OR4N2: variants seen among roughly 807,000 people sequenced by gnomAD.
OR4N2 encodes olfactory receptor 4N2.
For missense variants in OR4N2, 307 were observed against 377.6 expected (o/e 0.81, Z 1.55); for synonymous variants, 141 against 140.4 (o/e 1.00, Z -0.03).
chr14:19,813,036 A>T (rs1001193181), intron 1 of OR4N2, among the ~76,000 whole-genome samples: 1 of 152,262 alleles, frequency 6.6e-6, no homozygotes, highest in African/African-American at 2.4e-5. Flanking sequence ...AGGGTTAAAA[A>T]GTCTCCATTT....
intron 1 of OR4N2, among the ~76,000 whole-genome samples, chr14:19,811,579 C>A (rs1192193149): frequency 3.1e-4 from 47 of 152,308 alleles, no homozygotes; most frequent in Middle Eastern, 3.4e-3. Flanking sequence ...TATTAGCAAT[C>A]CGAACATGAC....
intron 1 of OR4N2, among the ~76,000 whole-genome samples, chr14:19,817,360 G>A (rs779198514): frequency 3.2e-4 from 49 of 152,218 alleles, no homozygotes; most frequent in East Asian, 9.6e-4. Context: ...TTACTGCCTC[G>A]ATTTCAAAAC....
intron 1 of OR4N2, among the ~76,000 whole-genome samples, chr14:19,812,556 C>T (rs1425514004): frequency 6.6e-6 from 1 of 152,150 alleles, no homozygotes; most frequent in Non-Finnish European, 1.5e-5. Context: ...GACGAGGTTT[C>T]ACCGTGTTAG....
chr14:19,812,580 G>A (rs899047929), intron 1 of OR4N2, among the ~76,000 whole-genome samples: 2 of 152,030 alleles, frequency 1.3e-5, no homozygotes, highest in African/African-American at 2.4e-5. Context: ...GAATGGTCTC[G>A]GTCTCCTGAC....
chr14:19,815,210 T>C (rs540757682), intron 1 of OR4N2, among the ~76,000 whole-genome samples: 1 of 152,378 alleles, frequency 6.6e-6, no homozygotes, highest in South Asian at 2.1e-4. Context: ...CTGGGTCAAA[T>C]GGTATTTCTG....
intron 1 of OR4N2, among the ~76,000 whole-genome samples, chr14:19,817,789 A>G (rs1279296669): frequency 6.6e-6 from 1 of 152,212 alleles, no homozygotes; most frequent in Non-Finnish European, 1.5e-5. Context: ...TAGGGTGTCA[A>G]TTTTAGATCT....
Position 19,828,698 on chromosome 14 carries a change from A to G in OR4N2, c.*326A>G, listed in dbSNP as rs1879792116. On this transcript the variant is annotated 3_prime_UTR_variant, in exon 2 of 2. Transcript: ENST00000557677. Reference sequence around the variant, plus strand: ...CCAATTTGTGTTTAATAATCAAAAAAGACCTTGAAGAGCTGACGTTTTGGA... The same window carrying G: ...CCAATTTGTGTTTAATAATCAAAAAGGACCTTGAAGAGCTGACGTTTTGGA... 4.1e-6 allele frequency: 1 copy of G among 245,066 alleles called. No homozygotes were observed. The highest frequency in any genetic ancestry group is 6.0e-5 in the South Asian group (1 of 16,556). 15.2% of individuals were successfully genotyped at this position (245,066 alleles called of 1,614,324 possible).
chr14:19,808,062 C>T (rs1356514848), intron 1 of OR4N2, among the ~76,000 whole-genome samples: 4 of 152,062 alleles, frequency 2.6e-5, no homozygotes, highest in Non-Finnish European at 5.9e-5. Context: ...CCTTAACAGA[C>T]TAGATTTTGA....
At chr14:19,819,987 C>T (rs1432548014) in intron 1 of OR4N2, among the ~76,000 whole-genome samples, 1 of 152,254 alleles carries the variant, frequency 6.6e-6, no homozygotes, top group Non-Finnish European at 1.5e-5. Context: ...CCACTCCAGA[C>T]CCTGTTTTCC....
chr14:19,805,243 A>AC (rs1340536730), intron 1 of OR4N2, among the ~76,000 whole-genome samples: 86 of 152,154 alleles, frequency 5.7e-4, no homozygotes, highest in African/African-American at 1.4e-3. Flanking sequence ...ATGATTCCTT[A>AC]CCCATAATAA....
At chr14:19,811,147 G>A (rs537856794) in intron 1 of OR4N2, among the ~76,000 whole-genome samples, 30 of 152,334 alleles carry the variant, frequency 2.0e-4, no homozygotes, top group Non-Finnish European at 4.0e-4. Context: ...TATGAGCTCA[G>A]TATTACCCTG....
intron 1 of OR4N2, among the ~76,000 whole-genome samples, chr14:19,812,756 A>AT (rs34262575): frequency 1.4e-3 from 206 of 151,632 alleles, no homozygotes; most frequent in African/African-American, 3.7e-3. Flanking sequence ...CAAGCTGAGC[A>AT]TTTTTTTTCA....
At chr14:19,811,239 T>G (rs1780883) in intron 1 of OR4N2, among the ~76,000 whole-genome samples, 1 of 152,088 alleles carries the variant, frequency 6.6e-6, no homozygotes, top group Admixed American at 6.6e-5. Context: ...CATACACATA[T>G]GATTTTATTT....
intron 1 of OR4N2, among the ~76,000 whole-genome samples, chr14:19,812,120 G>A (rs1307957744): frequency 6.6e-6 from 1 of 152,190 alleles, no homozygotes. Context: ...AAATCTTGGT[G>A]AGAATGTGAA....
Position 19,828,119 on chromosome 14 carries a change from G to T in OR4N2, c.671G>T (p.Arg224Leu), listed in dbSNP as rs117025898. The T allele has an allele frequency of 1.9e-6, 3 of 1,613,984 alleles. No homozygotes were observed. The highest frequency in any genetic ancestry group is 2.5e-6 in the Non-Finnish European group (3 of 1,180,016). ...LLASYAVILCRIRGSSSEAKN... is the reference protein window; with the variant it reads ...LLASYAVILCLIRGSSSEAKN... ...GCCTCCTATGCAGTCATTCTTTGTC[G>T]CATACGAGGGTCTTCTTCTGAGGCA... The change falls in exon 2 of 2, where the codon CGC (arginine) becomes CTC (leucine). Residue 224 changes from arginine to leucine, a missense_variant. Physicochemically the swap from Arg to Leu is moderately radical, Grantham distance 102 (BLOSUM62 -2). Transcript: ENST00000557677.
Position 19,817,937 on chromosome 14 carries a change from C to T in OR4N2, c.-9-9503C>T, listed in dbSNP as rs139140827. On this transcript the variant is annotated intron_variant, in intron 1 of 1. Transcript: ENST00000557677. ...AACTTATTTATTTCTGCCTAAATTTCGTTATTTACCCAGTAGTCATTCAGG... is the reference window on the plus strand; with the variant it reads ...AACTTATTTATTTCTGCCTAAATTTTGTTATTTACCCAGTAGTCATTCAGG... Among the ~76,000 whole-genome samples, 1,274 of 152,214 alleles carry T rather than the reference C, an allele frequency of 8.4e-3. 39 individuals are homozygous for T. Among genetic ancestry groups the T allele is most frequent in the Admixed American group, 0.077 (1,165 of 15,218 alleles).
Position 19,816,430 on chromosome 14 carries a change from A to G in OR4N2, c.-9-11010A>G, listed in dbSNP as rs181643239. Among the ~76,000 whole-genome samples, 4 of 152,236 alleles carry G rather than the reference A, an allele frequency of 2.6e-5. No individual in the cohort carries two copies. In the East Asian group the frequency reaches 5.8e-4, roughly 22 times the overall value. On this transcript the variant is annotated intron_variant, in intron 1 of 1. Transcript: ENST00000557677. ...GTCCTTCATATCCCTTGTTAGTTGT[A>G]TTCCTAGGTATTTTATTCTCTTTGT... is the stretch of plus-strand genomic sequence containing the variant.
chr14:19,820,512 G>T (rs1236007207), intron 1 of OR4N2, among the ~76,000 whole-genome samples: 1 of 152,244 alleles, frequency 6.6e-6, no homozygotes, highest in African/African-American at 2.4e-5. Flanking sequence ...ATTTAAGTCT[G>T]CTGAAGCTGT....
chr14:19,806,855 G>A (rs1879177116), intron 1 of OR4N2, among the ~76,000 whole-genome samples: 1 of 152,036 alleles, frequency 6.6e-6, no homozygotes, highest in Non-Finnish European at 1.5e-5. Context: ...ATCATCCCAG[G>A]CACATTCTTG....
Sources: gnomAD v4.1 joint callset for allele counts (sites outside exome capture counted in the v4.1 genomes callset) on GRCh38, gnomAD v4.1.1 for gene constraint, MANE v1.5 for transcripts, NCBI Gene and HGNC (gene_info 2026-07-23, HGNC 2026-07-21) for gene names.